The following UGP2 variants were observed in gnomAD, a reference collection of about 807,000 sequenced individuals.
The protein encoded by UGP2 is UDP-glucose pyrophosphorylase 2.
In UGP2, 40 loss-of-function variants were observed where a neutral mutation model predicts 49.0. That is an observed-to-expected ratio of 0.82 (90% CI 0.63 to 1.06). UGP2 has a LOEUF of 1.06. UGP2 is among the 50% of genes least tolerant of loss of function. The pLI is 0.00. For missense variants in UGP2, 460 were observed against 603.5 expected (o/e 0.76, Z 2.49); for synonymous variants, 225 against 213.0 (o/e 1.06, Z -0.49).
At chr2:63,846,358 T>C (rs1052223182) in intron 1 of UGP2, among the ~76,000 whole-genome samples, 1 of 152,208 alleles carries the variant, frequency 6.6e-6, no homozygotes, top group South Asian at 2.1e-4. Flanking sequence ...GTTTTGAAAC[T>C]TAATAAATAG....
intron 5 of UGP2, among the ~76,000 whole-genome samples, chr2:63,884,758 T>G (rs1671543370): frequency 6.6e-6 from 1 of 151,742 alleles, no homozygotes; most frequent in South Asian, 2.1e-4. Flanking sequence ...CAAAAAAAAT[T>G]TAAAAATTAG....
chr2:63,887,378 T>C (rs766250764), intron 7 of UGP2, 24 bp from the exon 8 acceptor site: 2 of 1,613,086 alleles, frequency 1.2e-6, no homozygotes, highest in Admixed American at 1.7e-5. Context: ...CTGTTTTCTA[T>C]TCCCCACCCC....
upstream of UGP2, chr2:63,841,072 A>G (rs1232139330): frequency 1.3e-5 from 2 of 152,446 alleles, no homozygotes; most frequent in African/African-American, 4.8e-5. Context: ...AGGGGGGGTT[A>G]GCAGCTGGGC....
chr2:63,842,558 G>T (rs1344537735), intron 1 of UGP2: 1 of 1,511,146 alleles, frequency 6.6e-7, no homozygotes, highest in Non-Finnish European at 8.8e-7. Flanking sequence ...CGTGCACGCA[G>T]ACGGGAAGGG....
intron 3 of UGP2, among the ~76,000 whole-genome samples, chr2:63,878,365 TA>T (rs1450538517): frequency 8.5e-5 from 13 of 152,252 alleles, no homozygotes; most frequent in African/African-American, 3.1e-4. Flanking sequence ...TTGTCACTGA[TA>T]ATTGCATAAC....
intron 1 of UGP2, among the ~76,000 whole-genome samples, chr2:63,850,505 A>G (rs1406205536): frequency 6.6e-6 from 1 of 152,176 alleles, no homozygotes; most frequent in Non-Finnish European, 1.5e-5. Flanking sequence ...TTTTTTCTAT[A>G]TTTTTCCCTA....
chr2:63,882,841 T>C, intron 4 of UGP2, 190 bp downstream of exon 4: 1 of 446,764 alleles, frequency 2.2e-6, no homozygotes, highest in African/African-American at 2.0e-5. Flanking sequence ...GTAAAGGCTT[T>C]TGATCTTAAA....
chr2:63,848,477 CCT>C (rs1668821385), intron 1 of UGP2, among the ~76,000 whole-genome samples: 1 of 152,202 alleles, frequency 6.6e-6, no homozygotes, highest in Non-Finnish European at 1.5e-5. Flanking sequence ...GATTCTCCTA[CCT>C]CAGCCTCCTG....
intron 8 of UGP2, chr2:63,887,911 T>A: frequency 2.6e-6 from 1 of 386,216 alleles, no homozygotes; most frequent in South Asian, 3.4e-5. Flanking sequence ...AGTACTGCTT[T>A]CATCAGTGGG....
At chr2:63,868,774 T>A (rs548123654) in intron 3 of UGP2, among the ~76,000 whole-genome samples, 3 of 151,616 alleles carry the variant, frequency 2.0e-5, no homozygotes, top group African/African-American at 7.3e-5. Flanking sequence ...AGGTCAGGAG[T>A]TCGAGACTAG....
chr2:63,842,570 T>C (rs1343452072), intron 1 of UGP2: 31 of 1,501,262 alleles, frequency 2.1e-5, no homozygotes, highest in Non-Finnish European at 2.7e-5. Flanking sequence ...CGGGAAGGGC[T>C]GGGGAAGCGG....
intron 3 of UGP2, among the ~76,000 whole-genome samples, 158 bp from the exon 4 acceptor site, chr2:63,882,308 T>G (rs1671372172): frequency 6.6e-6 from 1 of 152,238 alleles, no homozygotes; most frequent in Admixed American, 6.5e-5. Context: ...TACTTGATTT[T>G]GAACCACAAG....
At chr2:63,872,487 C>T (rs925225070) in intron 3 of UGP2, among the ~76,000 whole-genome samples, 3 of 152,056 alleles carry the variant, frequency 2.0e-5, no homozygotes, top group Admixed American at 6.5e-5. Flanking sequence ...ATCTTCATAA[C>T]GAATTAATGA....
chr2:63,887,640 C>G lies in UGP2; in HGVS notation c.1310C>G (p.Thr437Arg). The change falls in exon 8 of 10, where the codon ACG (threonine) becomes AGG (arginine). Residue 437 changes from threonine (T) to arginine (R), a missense_variant. This residue lies in a region of UGP2 where 317 missense variants were observed against 473.0 expected (regional missense o/e 0.67). Transcript: ENST00000337130. ...TTGGTTAAATTAGGCAGTTCTTTTA[C>G]GAAGGTACGTAACTATAAAGATATG... ...VPLVKLGSSF[T>R]KVQDYLRRFE... 1 of 1,613,874 alleles carries G rather than the reference C, an allele frequency of 6.2e-7. No individual in the cohort carries two copies. Among genetic ancestry groups the G allele is most frequent in the Non-Finnish European group, 8.5e-7 (1 of 1,179,914 alleles).
chr2:63,867,853 C>G (rs566908496), intron 3 of UGP2, among the ~76,000 whole-genome samples: 1 of 152,246 alleles, frequency 6.6e-6, no homozygotes, highest in South Asian at 2.1e-4. Context: ...TATTAAATAA[C>G]TCATCTAGCC....
chr2:63,873,304 A>T (rs952455107), intron 3 of UGP2, among the ~76,000 whole-genome samples: 1 of 152,200 alleles, frequency 6.6e-6, no homozygotes, highest in Non-Finnish European at 1.5e-5. Flanking sequence ...CTTCTTATTC[A>T]AGCCAAACAG....
chr2:63,856,865 T>A, intron 2 of UGP2: 1 of 455,852 alleles, frequency 2.2e-6, no homozygotes, highest in Non-Finnish European at 4.4e-6. Flanking sequence ...ATTTACTTTT[T>A]TACTTGTAAA....
At position 63,881,814 on chromosome 2, in the gene UGP2, CA is replaced by C. The variant is rs1320223606; in HGVS notation, c.256-651del. Among the ~76,000 whole-genome samples the C allele has an allele frequency of 2.0e-5, 3 of 152,326 alleles. No homozygotes were observed. In the East Asian group the frequency reaches 5.8e-4, roughly 29 times the overall value. Reference sequence around the variant, plus strand: ...CTCCCTTCCAGGGCATTTCTTAGAACAGTGACAACACTTAATTTTCCAGTAT... The same window carrying C: ...CTCCCTTCCAGGGCATTTCTTAGAACGTGACAACACTTAATTTTCCAGTAT... On this transcript the variant is annotated intron_variant, in intron 3 of 9. Coordinates refer to ENST00000337130, the MANE Select transcript of UGP2 (RefSeq NM_006759.4).
intron 3 of UGP2, among the ~76,000 whole-genome samples, chr2:63,875,827 G>A (rs914242307): frequency 6.6e-6 from 1 of 152,180 alleles, no homozygotes; most frequent in African/African-American, 2.4e-5. Context: ...AGAGGTCTTA[G>A]AACACTGAAT....
Sources: gnomAD v4.1 joint callset for allele counts (sites outside exome capture counted in the v4.1 genomes callset) on GRCh38, gnomAD v4.1.1 for gene constraint, gnomAD v4.1.1 regional missense constraint, MANE v1.5 for transcripts, NCBI Gene and HGNC (gene_info 2026-07-23, HGNC 2026-07-21) for gene names.